The following CNOT10 variants were observed in gnomAD, a reference collection of about 807,000 sequenced individuals.
CNOT10 encodes CCR4-NOT transcription complex subunit 10, also known as CCR4-NOT transcription complex, subunit 10.
CNOT10 carries 30 observed loss-of-function variants against 94.6 expected under a neutral mutation model. That is an observed-to-expected ratio of 0.32 (90% CI 0.24 to 0.43). CNOT10 has a LOEUF of 0.43. Among genes scored for constraint, CNOT10 ranks in the 20% least tolerant of loss-of-function variants. The pLI, the probability that CNOT10 is intolerant of heterozygous loss-of-function variation, is 1.00. For synonymous variants in CNOT10, 289 were observed against 301.6 expected (o/e 0.96, Z 0.43); for missense variants, 759 against 877.2 (o/e 0.87, Z 1.70).
At chr3:32,690,974 G>A (rs1254306811) in intron 1 of CNOT10, among the ~76,000 whole-genome samples, 2 of 147,470 alleles carry the variant, frequency 1.4e-5, no homozygotes, top group Non-Finnish European at 3.0e-5. Flanking sequence ...TACCATATTT[G>A]CTTCCTCTAT....
intron 13 of CNOT10, among the ~76,000 whole-genome samples, chr3:32,747,651 C>CT (rs903944171): frequency 1.3e-5 from 2 of 151,624 alleles, no homozygotes; most frequent in African/African-American, 2.4e-5. Context: ...TCCTGGATAA[C>CT]TAAGACCACA....
rs771157793 is a variant in CNOT10, at chr3:32,725,626, G to A, written c.1012+27G>A. On this transcript the variant is annotated intron_variant, in intron 9 of 18. Transcript: ENST00000328834. ...TAAGCCCAGTACTGGGGGACAGTTT[G>A]TATTTACTACTTCAGAAAAGCATGA... The A allele has an allele frequency of 9.6e-6, 15 of 1,567,460 alleles. No homozygotes were observed. In the Middle Eastern group the frequency reaches 5.0e-4, roughly 53 times the overall value.
intron 10 of CNOT10, among the ~76,000 whole-genome samples, chr3:32,729,050 C>T (rs1310415760): frequency 2.0e-5 from 3 of 151,592 alleles, no homozygotes; most frequent in Non-Finnish European, 2.9e-5. Flanking sequence ...TAGCCAAGAT[C>T]GCGCCACTGC....
chr3:32,747,991 G>A (rs1469984888), intron 13 of CNOT10, among the ~76,000 whole-genome samples: 2 of 151,938 alleles, frequency 1.3e-5, no homozygotes, highest in East Asian at 1.9e-4. Context: ...GGCATGTACC[G>A]CCATGCCCAG....
chr3:32,701,919 A>T (rs1364673653), intron 1 of CNOT10, among the ~76,000 whole-genome samples: 1 of 151,988 alleles, frequency 6.6e-6, no homozygotes, highest in Non-Finnish European at 1.5e-5. Flanking sequence ...CAGCCTCCTG[A>T]GTAGCTGGGA....
chr3:32,753,373 G>A lies in CNOT10; in HGVS notation c.1596-6085G>A, dbSNP rs557855939. On this transcript the variant is annotated intron_variant, in intron 13 of 18. Coordinates refer to ENST00000328834, the MANE Select transcript of CNOT10 (RefSeq NM_015442.3). ...AATCGCAAGTAGTCATTACACTTACGATCAAGAATGTTCAAAGAATGATGT... is the reference window on the plus strand; with the variant it reads ...AATCGCAAGTAGTCATTACACTTACAATCAAGAATGTTCAAAGAATGATGT... The A allele has an allele frequency of 3.1e-4, 425 of 1,362,670 alleles. 1 individual carries two copies. Among genetic ancestry groups the A allele is most frequent in the Admixed American group, 9.1e-4 (54 of 59,282 alleles). The allele number at this position is 1,362,670 out of a possible 1,614,324, so 84.4% of individuals were successfully genotyped here.
intron 13 of CNOT10, among the ~76,000 whole-genome samples, chr3:32,750,570 T>G (rs1338532064): frequency 6.6e-6 from 1 of 152,148 alleles, no homozygotes; most frequent in Non-Finnish European, 1.5e-5. Context: ...TCTTTTTTTT[T>G]GAGACAGAGT....
At chr3:32,695,977 G>A (rs1697043223) in intron 1 of CNOT10, 3 of 310,030 alleles carry the variant, frequency 9.7e-6, no homozygotes, top group East Asian at 5.5e-5. Flanking sequence ...GAGTGTGTGT[G>A]TGTGTGTGTG....
intron 15 of CNOT10, among the ~76,000 whole-genome samples, chr3:32,763,575 G>C (rs753874869): frequency 1.1e-4 from 16 of 151,838 alleles, no homozygotes; most frequent in Admixed American, 2.0e-4. Flanking sequence ...GCTTGCACCT[G>C]AGAGGTGGAG....
chr3:32,716,088 T>C (rs533283949), intron 5 of CNOT10, 137 bp from the exon 6 acceptor site: 4 of 499,634 alleles, frequency 8.0e-6, no homozygotes, highest in Admixed American at 8.1e-5. Context: ...ATTACAGGCA[T>C]GAACCACCAT....
chr3:32,754,493 C>A lies in CNOT10; in HGVS notation c.1596-4965C>A, dbSNP rs532025083. On this transcript the variant is annotated intron_variant, in intron 13 of 18. Coordinates refer to ENST00000328834, the MANE Select transcript of CNOT10 (RefSeq NM_015442.3). ...CTCCGTCTCAAAAAAAAAAAAAATA[C>A]ATATATATATATATATTTATTTTAC... is the stretch of plus-strand genomic sequence containing the variant. Among the ~76,000 whole-genome samples, 544 of 75,694 alleles carry A rather than the reference C, an allele frequency of 7.2e-3. 51 individuals carry two copies. Among genetic ancestry groups the A allele is most frequent in the African/African-American group, 0.017 (251 of 14,824 alleles). The allele number at this position is 75,694 out of a possible 152,430, so 49.7% of individuals were successfully genotyped here.
chr3:32,764,951 T>C, intron 17 of CNOT10, 142 bp downstream of exon 17: 1 of 1,501,672 alleles, frequency 6.7e-7, no homozygotes, highest in Non-Finnish European at 8.9e-7. Context: ...AAAATATTCT[T>C]GCAAGGTAAA....
chr3:32,695,787 A>G (rs1323233756), intron 1 of CNOT10: 18 of 1,535,910 alleles, frequency 1.2e-5, no homozygotes, highest in Non-Finnish European at 1.5e-5. Flanking sequence ...ACTTTTGGGC[A>G]AATAAAGAAA....
At chr3:32,720,831 C>CCCTCCCTTCCTCCCTT (rs200409007) in intron 8 of CNOT10, among the ~76,000 whole-genome samples, 89 of 127,424 alleles carry the variant, frequency 7.0e-4, no homozygotes, top group Admixed American at 2.2e-3. Context: ...TGCCCTCCCT[C>CCCTCCCTTCCTCCCTT]CCTCCCTTCC....
chr3:32,715,963 T>C (rs1284979238), intron 5 of CNOT10: 1 of 281,998 alleles, frequency 3.5e-6, no homozygotes, highest in Non-Finnish European at 6.6e-6. Context: ...ATGGCCACCA[T>C]GCCCAGCTAA....
In CNOT10 at chr3:32,737,418, G is replaced by A; in HGVS notation, c.1523G>A (p.Ser508Asn). 1 of 1,605,156 alleles carries A rather than the reference G, an allele frequency of 6.2e-7. No homozygotes were observed. The highest frequency in any genetic ancestry group is 8.5e-7 in the Non-Finnish European group (1 of 1,172,690). ...SESSETCSSKSHDGDKFIPAP... is the reference protein window; with the variant it reads ...SESSETCSSKNHDGDKFIPAP... ...TCTTACCTCTATTTTAGCAGTAAAA[G>A]CCATGATGGAGATAAATTCATTCCA... The change falls in exon 13 of 19, where the codon AGC becomes AAC. Residue 508 changes from serine (S) to asparagine (N), a missense_variant. Physicochemically the swap from Ser to Asn is conservative, Grantham distance 46. Transcript: ENST00000328834.
At chr3:32,746,268 T>A (rs1699696533) in intron 13 of CNOT10, among the ~76,000 whole-genome samples, 1 of 152,138 alleles carries the variant, frequency 6.6e-6, no homozygotes, top group African/African-American at 2.4e-5. Context: ...GTAGACTATT[T>A]TTCTGTGGAC....
chr3:32,733,914 TGAAAG>T (rs1363886973), intron 11 of CNOT10, among the ~76,000 whole-genome samples: 1 of 152,182 alleles, frequency 6.6e-6, no homozygotes. Flanking sequence ...TGAAAATACA[TGAAAG>T]GGAATTCTTA....
intron 1 of CNOT10, among the ~76,000 whole-genome samples, chr3:32,693,114 C>A (rs1696917470): frequency 6.6e-6 from 1 of 152,174 alleles, no homozygotes; most frequent in Admixed American, 6.6e-5. Context: ...ATGTTAAATG[C>A]TAAAAGCTTA....
Sources: allele counts gnomAD v4.1 joint callset (sites outside exome capture counted in the v4.1 genomes callset), GRCh38; gene constraint gnomAD v4.1.1; transcripts MANE v1.5; gene names NCBI Gene and HGNC (gene_info 2026-07-23, HGNC 2026-07-21).